The following TEX9 variants were observed in gnomAD, a reference collection of about 807,000 sequenced individuals.
TEX9 encodes the protein testis-expressed protein 9.
A neutral mutation model predicts 59.6 loss-of-function variants in TEX9; 74 were observed. That is an observed-to-expected ratio of 1.24 (90% CI 1.03 to 1.51). TEX9 has a LOEUF of 1.51. TEX9 is among the 40% of genes most tolerant of loss of function. The pLI is 0.00. For missense variants in TEX9, 522 were observed against 447.8 expected, an observed-to-expected ratio of 1.17 and a Z score of -1.49; for synonymous variants, 186 against 152.2, an observed-to-expected ratio of 1.22 and a Z score of -1.64.
intron 3 of TEX9, among the ~76,000 whole-genome samples, chr15:56,382,690 A>T (rs2047783865): frequency 6.6e-6 from 1 of 151,700 alleles, no homozygotes; most frequent in Admixed American, 6.6e-5. Context: ...TGGCTGCGTG[A>T]CTCTGCCTGG....
At chr15:56,282,370 T>C (rs2044838630) in intron 1 of TEX9, among the ~76,000 whole-genome samples, 1 of 152,144 alleles carries the variant, frequency 6.6e-6, no homozygotes, top group Non-Finnish European at 1.5e-5. Context: ...AGCGTACTTG[T>C]TTCAAACCCC....
chr15:56,407,917 C>T (rs998477814), intron 9 of TEX9, among the ~76,000 whole-genome samples: 1 of 152,096 alleles, frequency 6.6e-6, no homozygotes, highest in Non-Finnish European at 1.5e-5. Flanking sequence ...TAAAGCTGAC[C>T]CCTGCACTTG....
At chr15:56,348,931 C>CT (rs34365788) in intron 1 of TEX9, among the ~76,000 whole-genome samples, 148,581 of 151,748 alleles carry the variant, frequency 0.98, 72,820 homozygotes, top group Middle Eastern at 1. Flanking sequence ...ACCATTTTCT[C>CT]TTTTTTTTCT....
chr15:56,255,638 A>G (rs1399366317), intron 1 of TEX9, among the ~76,000 whole-genome samples: 1 of 152,110 alleles, frequency 6.6e-6, no homozygotes, highest in East Asian at 1.9e-4. Context: ...AAAAATGTTC[A>G]TATTAGTGAA....
chr15:56,315,707 G>C (rs1341710219), intron 1 of TEX9, among the ~76,000 whole-genome samples: 7 of 143,884 alleles, frequency 4.9e-5, no homozygotes, highest in East Asian at 4.0e-4. Context: ...TGCCTTGCTA[G>C]ATTGGGGAAG....
chr15:56,322,226 A>T lies in TEX9; in HGVS notation c.-106-51215A>T, dbSNP rs139551157. On this transcript the variant is annotated intron_variant, in intron 1 of 5. Transcript: ENST00000560827. The stretch of plus-strand genomic sequence containing the variant: ...GATAGAGAGGAGTAGGGAAGAAGTG[A>T]GGAGTGGACAGGTTGTGTCAAGTCT... Among the ~76,000 whole-genome samples the T allele has an allele frequency of 7.8e-4, 118 of 152,210 alleles. 1 individual carries two copies. The highest frequency in any genetic ancestry group is 3.8e-3 in the Admixed American group (58 of 15,288).
At chr15:56,312,104 C>T (rs1388509859) in intron 1 of TEX9, among the ~76,000 whole-genome samples, 36 of 149,108 alleles carry the variant, frequency 2.4e-4, no homozygotes, top group African/African-American at 8.2e-4. Flanking sequence ...TGCCTCTTCA[C>T]TCTGATGGTA....
At chr15:56,412,158 G>T (rs930433458) in intron 9 of TEX9, 144 bp from the exon 10 acceptor site, 9 of 676,826 alleles carry the variant, frequency 1.3e-5, no homozygotes, top group Non-Finnish European at 2.1e-5. Flanking sequence ...TTAGTGTTCA[G>T]CCTCTACCCC....
At chr15:56,259,886 A>G (rs189993338) in intron 1 of TEX9, among the ~76,000 whole-genome samples, 26 of 152,192 alleles carry the variant, frequency 1.7e-4, no homozygotes, top group Admixed American at 1.6e-3. Context: ...TGAACATGGT[A>G]TATCTATTCA....
intron 7 of TEX9, 113 bp from the exon 8 acceptor site, chr15:56,394,052 A>C (rs1042999769): frequency 2.2e-6 from 2 of 922,520 alleles, no homozygotes; most frequent in African/African-American, 3.4e-5. Context: ...GATATCTCCT[A>C]TTTGACTCCC....
chr15:56,309,272 G>A (rs1351797964), intron 1 of TEX9, among the ~76,000 whole-genome samples: 1 of 152,090 alleles, frequency 6.6e-6, no homozygotes, highest in African/African-American at 2.4e-5. Context: ...TATTAAGAAA[G>A]GATGTTGGAA....
At chr15:56,262,334 A>G (rs2044287223) in intron 1 of TEX9, among the ~76,000 whole-genome samples, 1 of 152,098 alleles carries the variant, frequency 6.6e-6, no homozygotes, top group African/African-American at 2.4e-5. Flanking sequence ...GATGAGTCGC[A>G]TTTTCATTTT....
chr15:56,295,693 T>C (rs2045201457), intron 1 of TEX9, among the ~76,000 whole-genome samples: 1 of 152,256 alleles, frequency 6.6e-6, no homozygotes. Context: ...TTTACTACTT[T>C]GTATGCCTAG....
At chr15:56,347,333 A>T (rs963123154) in intron 1 of TEX9, among the ~76,000 whole-genome samples, 1 of 152,164 alleles carries the variant, frequency 6.6e-6, no homozygotes, top group South Asian at 2.1e-4. Context: ...AAAACTTATT[A>T]TGTATATATA....
the TEX9 span, among the ~76,000 whole-genome samples, chr15:56,460,007 A>ATATATATATATATATATATATAT: frequency 7.2e-5 from 2 of 27,634 alleles, no homozygotes; most frequent in African/African-American, 1.3e-4. Context: ...AAAAAAAAAA[A>ATATATATATATATATATATATAT]AAATACATAT....
At chr15:56,431,588 A>G (rs2050597910) in intron 12 of TEX9, 1 of 1,284,490 alleles carries the variant, frequency 7.8e-7, no homozygotes, top group Non-Finnish European at 1.1e-6. Flanking sequence ...TGAATTAGAT[A>G]AAATTGATGA....
chr15:56,363,945 G>A (rs1243082269), upstream of TEX9, among the ~76,000 whole-genome samples: 1 of 150,544 alleles, frequency 6.6e-6, no homozygotes, highest in Non-Finnish European at 1.5e-5. Flanking sequence ...AGCCTCCAAA[G>A]TGCTCATATT....
intron 1 of TEX9, among the ~76,000 whole-genome samples, chr15:56,277,687 T>G (rs1350352804): frequency 6.6e-6 from 1 of 152,094 alleles, no homozygotes. Context: ...AAAGTAGTTG[T>G]TTTTTTTCTA....
At chr15:56,423,928 A>C (rs1167079679) in intron 10 of TEX9, among the ~76,000 whole-genome samples, 1 of 152,030 alleles carries the variant, frequency 6.6e-6, no homozygotes, top group Admixed American at 6.6e-5. Context: ...CCCTTCCCCC[A>C]CAAGTCCCTA....
Sources: gnomAD v4.1 joint callset for allele counts (sites outside exome capture counted in the v4.1 genomes callset) on GRCh38, gnomAD v4.1.1 for gene constraint, MANE v1.5 for transcripts, NCBI Gene and HGNC (gene_info 2026-07-23, HGNC 2026-07-21) for gene names.